Variants in PCSK5 observed in about 807,000 individuals in gnomAD.
PCSK5 encodes prohormone convertase 5.
Under a neutral mutation model 233.2 loss-of-function variants are expected in PCSK5, and 129 were observed. The observed-to-expected ratio is 0.55, with a 90% confidence interval of 0.48 to 0.64. The LOEUF is 0.64. Among genes scored for constraint, PCSK5 ranks in the 30% least tolerant of loss-of-function variants. The pLI is 0.00. For missense variants in PCSK5, 2,076 were observed against 2,430.1 expected, an observed-to-expected ratio of 0.85 and a Z score of 3.06; for synonymous variants, 825 against 879.2, an observed-to-expected ratio of 0.94 and a Z score of 1.09.
chr9:76,322,974 A>G, intron 31 of PCSK5, 78 bp from the exon 32 acceptor site: 1 of 763,182 alleles, frequency 1.3e-6, no homozygotes, highest in Non-Finnish European at 2.2e-6. Flanking sequence ...GTGCTGAGGG[A>G]GGAGCTAGCC....
intron 9 of PCSK5, among the ~76,000 whole-genome samples, chr9:76,110,951 A>G (rs564469827): frequency 6.6e-6 from 1 of 152,228 alleles, no homozygotes; most frequent in Admixed American, 6.5e-5. Flanking sequence ...TACTAAACAT[A>G]TAAAAATTAG....
Position 76,357,049 on chromosome 9 carries a change from C to G in PCSK5, c.5255-1464C>G, listed in dbSNP as rs568114838. ...GGTTAAAGAATAGAAAAAAAATAGA[C>G]ATATTACCCAAATCATACCACCTGG... On this transcript the variant is annotated intron_variant, in intron 37 of 37. Transcript: ENST00000674117. Among the ~76,000 whole-genome samples the G allele has an allele frequency of 6.6e-5, 10 of 152,220 alleles. No individual in the cohort carries two copies. The South Asian group carries it at 2.1e-3, about 32-fold the overall frequency.
At chr9:76,093,030 G>A (rs1831359457) in intron 7 of PCSK5, among the ~76,000 whole-genome samples, 1 of 149,780 alleles carries the variant, frequency 6.7e-6, no homozygotes, top group Admixed American at 6.7e-5. Context: ...TGGTATGCAT[G>A]GAAATGTATG....
chr9:75,970,962 G>T (rs1825791829), intron 2 of PCSK5, among the ~76,000 whole-genome samples: 1 of 152,076 alleles, frequency 6.6e-6, no homozygotes. Context: ...ACACATGCAG[G>T]ACGTGCAGGT....
intron 27 of PCSK5, among the ~76,000 whole-genome samples, chr9:76,301,535 T>C (rs537815246): frequency 1.2e-3 from 184 of 152,260 alleles, no homozygotes; most frequent in African/African-American, 4.2e-3. Context: ...CAAATAAATA[T>C]GCAAACCATT....
chr9:75,999,274 T>C (rs1563964035), intron 3 of PCSK5, among the ~76,000 whole-genome samples: 1 of 152,006 alleles, frequency 6.6e-6, no homozygotes, highest in Non-Finnish European at 1.5e-5. Context: ...TGTGTTCTCA[T>C]TGTTCAATGT....
At chr9:76,196,061 A>AAAC (rs1824685684) in intron 20 of PCSK5, among the ~76,000 whole-genome samples, 1 of 152,240 alleles carries the variant, frequency 6.6e-6, no homozygotes. Context: ...AAGGAGTGAG[A>AAAC]AACAGCAATG....
intron 21 of PCSK5, among the ~76,000 whole-genome samples, chr9:76,229,229 T>C (rs1412461444): frequency 6.6e-6 from 1 of 152,206 alleles, no homozygotes. Flanking sequence ...GAGGTTCTGT[T>C]TTTTCTCCAA....
intron 2 of PCSK5, among the ~76,000 whole-genome samples, chr9:75,971,513 T>C (rs931295101): frequency 6.6e-6 from 1 of 152,212 alleles, no homozygotes; most frequent in Non-Finnish European, 1.5e-5. Context: ...TGCTACACTG[T>C]CTTCCACAAT....
At position 76,177,489 on chromosome 9, in the gene PCSK5, T is replaced by C. The variant is rs1823665285; in HGVS notation, c.1901-2107T>C. ...ATTCTAAACAGATAGCATCCTAGAA[T>C]CAATAAACATGCTTGAAATTAAGAC... On this transcript the variant is annotated intron_variant, in intron 14 of 37. Transcript: ENST00000674117. Among the ~76,000 whole-genome samples the C allele has an allele frequency of 1.3e-5, 2 of 152,188 alleles. 1 individual carries two copies. Among genetic ancestry groups the C allele is most frequent in the Non-Finnish European group, 2.9e-5 (2 of 68,020 alleles).
At chr9:76,325,644 C>CTTTCTTTCTTTTTTTTTT (rs1230191426) in intron 32 of PCSK5, among the ~76,000 whole-genome samples, 2 of 150,372 alleles carry the variant, frequency 1.3e-5, no homozygotes, top group Non-Finnish European at 3.0e-5. Flanking sequence ...ATTGCACTTT[C>CTTTCTTTCTTTTTTTTTT]TTTTTTTTGA....
intron 24 of PCSK5, among the ~76,000 whole-genome samples, chr9:76,278,767 AT>A (rs1827771180): frequency 6.6e-6 from 1 of 152,000 alleles, no homozygotes; most frequent in Non-Finnish European, 1.5e-5. Flanking sequence ...GATTATCATC[AT>A]TTTTTACATA....
In PCSK5 at chr9:76,323,103, C is replaced by T. The variant is rs1383012642; in HGVS notation, c.4154C>T (p.Pro1385Leu). The change falls in exon 32 of 38, where the codon CCC becomes CTC. Residue 1385 changes from proline to leucine, a missense_variant. Physicochemically the swap from Pro to Leu is moderately conservative, Grantham distance 98 (BLOSUM62 -3). Transcript: ENST00000674117. ...LHDDMCHQSC[P>L]RGFYADSRHC... The stretch of plus-strand genomic sequence containing the variant: ...GATGATATGTGCCACCAGTCCTGTC[C>T]CCGTGGCTTCTATGCAGACTCGCGC... 1.2e-6 allele frequency: 2 copies of T among 1,611,282 alleles called. No individual in the cohort carries two copies. The highest frequency in any genetic ancestry group is 2.2e-5 in the East Asian group (1 of 44,810).
chr9:76,046,178 T>G lies in PCSK5; in HGVS notation c.632+19141T>G, dbSNP rs1027319258. 1.7e-3 allele frequency among the ~76,000 whole-genome samples: 209 copies of G among 120,338 alleles called. 2 individuals carry two copies. Among genetic ancestry groups the G allele is most frequent in the African/African-American group, 6.2e-3 (193 of 30,954 alleles). 78.9% of individuals were successfully genotyped at this position (120,338 alleles called of 152,430 possible). ...TTCTTTTGTTTTTTTTTTTTTTTTTTTTTTTTTTTTTTTTTTTGAGACGGA... is the reference window on the plus strand; with the variant it reads ...TTCTTTTGTTTTTTTTTTTTTTTTTGTTTTTTTTTTTTTTTTTGAGACGGA... On this transcript the variant is annotated intron_variant, in intron 5 of 37. Coordinates refer to ENST00000674117, the MANE Select transcript of PCSK5 (RefSeq NM_001372043.1).
rs1037402535 is a variant in PCSK5, at chr9:75,896,244, G to A, written c.192+4871G>A. On this transcript the variant is annotated intron_variant, in intron 1 of 37. Coordinates refer to ENST00000674117, the MANE Select transcript of PCSK5 (RefSeq NM_001372043.1). ...ATGGTCTGGTGATGGCGTGTCTGCT[G>A]CATTAACCTCATAGATAAGGAATGG... Among the ~76,000 whole-genome samples the A allele has an allele frequency of 3.3e-5, 5 of 152,302 alleles. No homozygotes were observed. The East Asian group carries it at 9.6e-4, about 29-fold the overall frequency.
chr9:76,196,812 A>T (rs1486908498), intron 20 of PCSK5, among the ~76,000 whole-genome samples: 1 of 152,210 alleles, frequency 6.6e-6, no homozygotes, highest in Non-Finnish European at 1.5e-5. Context: ...TACACATGAG[A>T]AAACTGGGCC....
intron 8 of PCSK5, among the ~76,000 whole-genome samples, chr9:76,096,550 T>C (rs921448068): frequency 4.6e-5 from 7 of 152,260 alleles, no homozygotes; most frequent in African/African-American, 1.7e-4. Flanking sequence ...CAGAATTTCA[T>C]TGAAATTATA....
intron 8 of PCSK5, among the ~76,000 whole-genome samples, chr9:76,096,701 A>G (rs1259821133): frequency 6.6e-6 from 1 of 150,752 alleles, no homozygotes; most frequent in Non-Finnish European, 1.5e-5. Flanking sequence ...TTGCAGATTC[A>G]AGCTATTCTC....
At chr9:76,137,684 G>A (rs1051652864) in intron 10 of PCSK5, among the ~76,000 whole-genome samples, 2 of 152,004 alleles carry the variant, frequency 1.3e-5, no homozygotes, top group Non-Finnish European at 2.9e-5. Flanking sequence ...TAAATATCAT[G>A]TACCTATCAG....
Sources: allele counts gnomAD v4.1 joint callset (sites outside exome capture counted in the v4.1 genomes callset), GRCh38; gene constraint gnomAD v4.1.1; transcripts MANE v1.5; gene names NCBI Gene and HGNC (gene_info 2026-07-23, HGNC 2026-07-21).